The following TTN variants were observed in gnomAD, a reference collection of about 807,000 sequenced individuals.
TTN encodes the protein connectin.
TTN carries 1,525 observed loss-of-function variants against 3,223.0 expected under a neutral mutation model. The ratio of observed to expected loss-of-function variants is 0.47; its 90% confidence interval spans 0.45 to 0.49. The LOEUF is 0.49. Among genes scored for constraint, TTN ranks in the 20% least tolerant of loss-of-function variants. The probability of loss-of-function intolerance (pLI) is 0.00; values close to 1 mark genes in which losing one functional copy is unlikely to be tolerated. For synonymous variants in TTN, 14,094 were observed against 15,161.0 expected (o/e 0.93, Z 5.17); for missense variants, 40,786 against 43,424.0 (o/e 0.94, Z 5.40).
In TTN at chr2:178,774,314, C is replaced by A. The variant is rs764882950; in HGVS notation, c.6950G>T (p.Arg2317Leu). 2 of 1,613,928 alleles carry A rather than the reference C, an allele frequency of 1.2e-6. No individual in the cohort carries two copies. Among genetic ancestry groups the A allele is most frequent in the African/African-American group, 1.3e-5 (1 of 74,894 alleles). The change falls in exon 30 of 363, where the codon CGT (arginine) becomes CTT (leucine). Residue 2317 changes from arginine (R) to leucine (L), a missense_variant. Arg to Leu is a moderately radical substitution (Grantham distance 102). Coordinates refer to ENST00000589042, the MANE Select transcript of TTN (RefSeq NM_001267550.2). ...GACCGTGAGGTTCTGACGTCCACGA[C>A]GAGATGTAATTGTATATTTGCCATT... is the stretch of plus-strand genomic sequence containing the variant. ...KSNGKYTITS[R>L]RGRQNLTVKD...
rs766374526 is a variant in TTN, at chr2:178,636,814, A to G, written c.40928-15T>C. 2 of 1,543,466 alleles carry G rather than the reference A, an allele frequency of 1.3e-6. No homozygotes were observed. The highest frequency in any genetic ancestry group is 2.6e-5 in the South Asian group (2 of 77,934). ...TTTGGGTACACCTAATTCAAAGTAA[A>G]ATAAAAAGTTGATTTGGCATCTCCT... is the stretch of plus-strand genomic sequence containing the variant. On this transcript the variant is annotated splice_polypyrimidine_tract_variant and intron_variant, in intron 224 of 362. Coordinates refer to ENST00000589042, the MANE Select transcript of TTN (RefSeq NM_001267550.2). The surrounding 1 kb of genome is among the most constrained non-coding windows in gnomAD (Gnocchi z 4.3).
chr2:178,678,765 C>T lies in TTN; in HGVS notation c.33808G>A (p.Glu11270Lys). 2 of 1,603,294 alleles carry T rather than the reference C, an allele frequency of 1.2e-6. No homozygotes were observed. The highest frequency in any genetic ancestry group is 2.3e-5 in the East Asian group (1 of 44,402). ...KVPVPVPKKV[E>K]APPAKVPEVP... The stretch of plus-strand genomic sequence containing the variant: ...CATGTACCTTTGGCAGGTGGAGCTT[C>T]CACCTTTTTAGGAACTGGTACTGGT... Residue 11270 changes from glutamate to lysine, a missense_variant, in exon 143 of 363, where the codon GAA (glutamate) becomes AAA (lysine). Transcript: ENST00000589042.
Position 178,547,803 on chromosome 2 carries a change from C to T in TTN, c.93823G>A (p.Val31275Ile), listed in dbSNP as rs1287511397. The change falls in exon 339 of 363, where the codon GTA (valine) becomes ATA (isoleucine). Residue 31275 changes from valine to isoleucine, a missense_variant. Physicochemically the swap from Val to Ile is conservative, Grantham distance 29. Coordinates refer to ENST00000589042, the MANE Select transcript of TTN (RefSeq NM_001267550.2). ...TTTKDRTTLTVKDSMRGDSGR... is the reference protein window; with the variant it reads ...TTTKDRTTLTIKDSMRGDSGR... ...GAGTCACCTCTCATGCTGTCCTTTA[C>T]AGTCAGTGTGGTTCTGTCTTTTGTT... is the stretch of plus-strand genomic sequence containing the variant. The T allele has an allele frequency of 6.2e-7, 1 of 1,613,894 alleles. No homozygotes were observed. Among genetic ancestry groups the T allele is most frequent in the Non-Finnish European group, 8.5e-7 (1 of 1,179,836 alleles).
chr2:178,614,956 T>C lies in TTN; in HGVS notation c.48651A>G (p.Thr16217=). The change falls in exon 260 of 363, where the codon ACA becomes ACG. Residue 16217 remains threonine (T), a synonymous_variant. Transcript: ENST00000589042. Reference sequence around the variant, plus strand: ...CATACCATTTGCCTTCCTCAAGACCTGTCACTTCCATTCTGTCAGAAAACA... The same window carrying C: ...CATACCATTTGCCTTCCTCAAGACCCGTCACTTCCATTCTGTCAGAAAACA... The part of the protein sequence containing the change: ...EPVAETKMEV[T]GLEEGKWYAY... 6.3e-7 allele frequency: 1 copy of C among 1,598,240 alleles called. No homozygotes were observed. Among genetic ancestry groups the C allele is most frequent in the Non-Finnish European group, 8.5e-7 (1 of 1,171,568 alleles).
intron 140 of TTN, 53 bp from the exon 141 acceptor site, chr2:178,679,735 G>A: frequency 6.4e-7 from 1 of 1,557,446 alleles, no homozygotes. Context: ...GAAATAAAAT[G>A]TGAAAAGCAC....
chr2:178,774,206 C>G lies in TTN; in HGVS notation c.7057+1G>C. ...AGGCTGACAGGAATGGGAGGACTTACGTTTCATCTTTAATTTACAGGTTGT... is the reference window on the plus strand; with the variant it reads ...AGGCTGACAGGAATGGGAGGACTTAGGTTTCATCTTTAATTTACAGGTTGT... On this transcript the variant is annotated splice_donor_variant, in intron 30 of 362. Transcript: ENST00000589042. LOFTEE classifies it high-confidence loss of function. The G allele has an allele frequency of 6.2e-7, 1 of 1,614,048 alleles. No individual in the cohort carries two copies. Among genetic ancestry groups the G allele is most frequent in the Non-Finnish European group, 8.5e-7 (1 of 1,179,948 alleles).
chr2:178,747,150 ATC>A (rs1317538207), intron 47 of TTN: 1 of 1,608,360 alleles, frequency 6.2e-7, no homozygotes, highest in Non-Finnish European at 8.5e-7. Context: ...GGTGTGGAAT[ATC>A]TCTCTAGAGT....
Position 178,614,362 on chromosome 2 carries a change from TAC to T in TTN, c.49049-16_49049-15del. 1 of 1,581,154 alleles carries T rather than the reference TAC, an allele frequency of 6.3e-7. No homozygotes were observed. Among genetic ancestry groups the T allele is most frequent in the South Asian group, 1.2e-5 (1 of 84,674 alleles). On this transcript the variant is annotated splice_polypyrimidine_tract_variant and intron_variant, in intron 261 of 362. Transcript: ENST00000589042. ...GTCCGGGTTTATCTGTGTATGGCAT[TAC>T]AGATGCAGAAAAAAAAATTGTTCAC...
At position 178,531,113 on chromosome 2, in the gene TTN, C is replaced by T. The variant is rs1382618116; in HGVS notation, c.105502G>A (p.Val35168Met). The T allele has an allele frequency of 1.2e-6, 2 of 1,613,968 alleles. No individual in the cohort carries two copies. Among genetic ancestry groups the T allele is most frequent in the South Asian group, 2.2e-5 (2 of 91,086 alleles). Residue 35168 changes from valine (V) to methionine (M), a missense_variant, in exon 358 of 363, where the codon GTG becomes ATG. Coordinates refer to ENST00000589042, the MANE Select transcript of TTN (RefSeq NM_001267550.2). ...TGGTGGCGGGCAGAAGTACTTAGCACTTGTCCTTTACGCAGCCAGGTCACA... is the reference window on the plus strand; with the variant it reads ...TGGTGGCGGGCAGAAGTACTTAGCATTTGTCCTTTACGCAGCCAGGTCACA... ...PTVTWLRKGQVLSTSARHQVT... is the reference protein window; with the variant it reads ...PTVTWLRKGQMLSTSARHQVT...
chr2:178,669,406 G>A lies in TTN; in HGVS notation c.35512C>T (p.Pro11838Ser). Residue 11838 changes from proline to serine, a missense_variant, in exon 159 of 363, where the codon CCT (proline) becomes TCT (serine). Coordinates refer to ENST00000589042, the MANE Select transcript of TTN (RefSeq NM_001267550.2). ...PKKSVQEEKS[P>S]IVISEDTEMY... is the part of the protein sequence containing the mutation. The stretch of plus-strand genomic sequence containing the variant: ...TCTGTGTCTTCAGAAATAACAATAG[G>A]TGATTTTTCTTCTTGAACACTTTTC... 1 of 1,521,716 alleles carries A rather than the reference G, an allele frequency of 6.6e-7. No homozygotes were observed. The highest frequency in any genetic ancestry group is 8.7e-7 in the Non-Finnish European group (1 of 1,146,990). The allele number at this position is 1,521,716 out of a possible 1,614,324, so 94.3% of individuals were successfully genotyped here. A position where few individuals can be genotyped will look rare whatever the true frequency, so the allele number is the denominator to read the frequency against.
chr2:178,536,348 C>A lies in TTN; in HGVS notation c.100399G>T (p.Val33467Leu). 6.2e-7 allele frequency: 1 copy of A among 1,613,778 alleles called. No individual in the cohort carries two copies. Among genetic ancestry groups the A allele is most frequent in the Admixed American group, 1.7e-5 (1 of 60,002 alleles). The change falls in exon 357 of 363, where the codon GTG becomes TTG. Residue 33467 changes from valine (V) to leucine (L), a missense_variant. Coordinates refer to ENST00000589042, the MANE Select transcript of TTN (RefSeq NM_001267550.2). ...TCCCCACCTAGATTTTCACATTTCA[C>A]ACGAAACTCGTATTCAAGACCTTCA... ...LIEGLEYEFR[V>L]KCENLGGESE... is the part of the protein sequence containing the mutation.
chr2:178,677,435 T>C, intron 146 of TTN, 148 bp from the exon 147 acceptor site: 1 of 677,368 alleles, frequency 1.5e-6, no homozygotes, highest in Non-Finnish European at 2.1e-6. Flanking sequence ...TTAGATAATT[T>C]ACAATAGACA....
At chr2:178,764,847 G>C (rs2090074345) in intron 41 of TTN, 36 bp from the exon 42 acceptor site, 4 of 1,610,448 alleles carry the variant, frequency 2.5e-6, no homozygotes, top group South Asian at 2.2e-5. Flanking sequence ...CCATGAAAAA[G>C]TGTAAAAACA....
rs1373830216 is a variant in TTN, at chr2:178,613,262, G to A, written c.49547C>T (p.Thr16516Ile). The A allele has an allele frequency of 5.0e-6, 8 of 1,609,516 alleles. No homozygotes were observed. Among genetic ancestry groups the A allele is most frequent in the Non-Finnish European group, 6.8e-6 (8 of 1,178,214 alleles). The change falls in exon 264 of 363, where the codon ACT (threonine) becomes ATT (isoleucine). Residue 16516 changes from threonine to isoleucine, a missense_variant. Thr to Ile is a moderately conservative substitution (Grantham distance 89). Coordinates refer to ENST00000589042, the MANE Select transcript of TTN (RefSeq NM_001267550.2). ...ACGGAATCTGTATTTTTTCTTATTA[G>A]TGAGACCTTTCACTCTGAATTAGGA... is the stretch of plus-strand genomic sequence containing the variant. The part of the protein sequence containing the change: ...KDTTYRVKGL[T>I]NKKKYRFRVL...
chr2:178,669,239 G>C (rs1055765004), intron 159 of TTN, 134 bp downstream of exon 159: 6 of 668,056 alleles, frequency 9.0e-6, no homozygotes, highest in African/African-American at 1.9e-5. Context: ...AAGATTATTT[G>C]AGTCATATAT....
In TTN at chr2:178,642,249, C is replaced by A. The variant is rs757535628; in HGVS notation, c.40546G>T (p.Val13516Phe). The stretch of plus-strand genomic sequence containing the variant: ...AAAAATACTATACCGCTTTTCAGAA[C>A]AACTTCTTCCTTTGGTTCAGGTTTA... Reference protein sequence around the residue: ...ERKPEPKEEVVLKSVLRKRPE... With the variant: ...ERKPEPKEEVFLKSVLRKRPE... The change falls in exon 219 of 363, where the codon GTT becomes TTT. Residue 13516 changes from valine (V) to phenylalanine (F), a missense_variant. Val to Phe is a conservative substitution (Grantham distance 50). Coordinates refer to ENST00000589042, the MANE Select transcript of TTN (RefSeq NM_001267550.2). 21 of 1,589,446 alleles carry A rather than the reference C, an allele frequency of 1.3e-5. No homozygotes were observed. The highest frequency in any genetic ancestry group is 1.7e-5 in the Non-Finnish European group (20 of 1,166,632).
chr2:178,759,332 T>C (rs1438953418), intron 43 of TTN, among the ~76,000 whole-genome samples, 160 bp from the exon 44 acceptor site: 6 of 152,256 alleles, frequency 3.9e-5, no homozygotes, highest in Non-Finnish European at 7.3e-5. Context: ...TATTGTTAAA[T>C]GATTTCCTTT....
rs970449071 is a variant in TTN at position 178,732,531 on chromosome 2, A to G, written c.16530T>C (p.Tyr5510=). Residue 5510 remains tyrosine, a synonymous_variant, in exon 56 of 363, where the codon TAT becomes TAC. Coordinates refer to ENST00000589042, the MANE Select transcript of TTN (RefSeq NM_001267550.2). The part of the protein sequence containing the change: ...KEALESSLEL[Y]LVKTSDSGTY... ...TGCCCGAATCAGAGGTTTTTACTAA[A>G]TAGAGTTCCAGGGAACTCTCTAAAG... The G allele has an allele frequency of 1.1e-5, 18 of 1,613,594 alleles. No individual in the cohort carries two copies. Among genetic ancestry groups the G allele is most frequent in the Non-Finnish European group, 1.4e-5 (17 of 1,179,762 alleles).
intron 22 of TTN, chr2:178,779,756 G>C (rs2092599371): frequency 3.7e-6 from 2 of 541,670 alleles, no homozygotes; most frequent in Admixed American, 6.7e-5. Context: ...GCTAATATTG[G>C]TGTTTTCCTT....
Sources: allele counts gnomAD v4.1 joint callset (sites outside exome capture counted in the v4.1 genomes callset), GRCh38; gene constraint gnomAD v4.1.1; non-coding constraint Gnocchi (gnomAD v3.1); transcripts MANE v1.5; gene names NCBI Gene and HGNC (gene_info 2026-07-23, HGNC 2026-07-21).